GALNTL6: variants seen among roughly 807,000 people sequenced by gnomAD.
GALNTL6 encodes polypeptide N-acetylgalactosaminyltransferase like 6.
GALNTL6 carries 46 observed loss-of-function variants against 73.7 expected under a neutral mutation model. The observed-to-expected ratio is 0.62, with a 90% CI of 0.49 to 0.80. GALNTL6 has a LOEUF of 0.80. Ranked by LOEUF, GALNTL6 falls within the 30% of genes least tolerant of loss-of-function variation. The pLI, the probability that GALNTL6 is intolerant of heterozygous loss-of-function variation, is 0.00. For missense variants in GALNTL6, 604 were observed against 755.0 expected, an observed-to-expected ratio of 0.80 and a Z score of 2.34; for synonymous variants, 259 against 263.7, an observed-to-expected ratio of 0.98 and a Z score of 0.17.
chr4:172,198,993 G>A (rs1213091695), intron 2 of GALNTL6, among the ~76,000 whole-genome samples: 2 of 151,876 alleles, frequency 1.3e-5, no homozygotes, highest in Non-Finnish European at 2.9e-5. Flanking sequence ...TTTTACTACT[G>A]TTGGCATTCT....
intron 2 of GALNTL6, among the ~76,000 whole-genome samples, chr4:172,167,045 C>A (rs1443878050): frequency 6.6e-6 from 1 of 152,096 alleles, no homozygotes; most frequent in African/African-American, 2.4e-5. Context: ...TCTCGTTGTA[C>A]CTCATTTTTC....
chr4:172,952,998 G>T (rs1749536313), intron 10 of GALNTL6, among the ~76,000 whole-genome samples: 1 of 152,166 alleles, frequency 6.6e-6, no homozygotes, highest in Non-Finnish European at 1.5e-5. Context: ...CAAGTACAAG[G>T]CAATGAGGGG....
chr4:172,768,945 G>A (rs1738598478), intron 5 of GALNTL6, among the ~76,000 whole-genome samples: 1 of 151,980 alleles, frequency 6.6e-6, no homozygotes, highest in Admixed American at 6.6e-5. Context: ...ACAAGAGAGA[G>A]ATACTTCTGC....
chr4:172,242,311 G>C (rs1737464450), intron 3 of GALNTL6, among the ~76,000 whole-genome samples: 1 of 151,804 alleles, frequency 6.6e-6, no homozygotes, highest in Non-Finnish European at 1.5e-5. Flanking sequence ...ATTCAGAGAT[G>C]TGTGTGTGTG....
chr4:172,893,351 G>C (rs930367697), intron 8 of GALNTL6, among the ~76,000 whole-genome samples: 2 of 151,910 alleles, frequency 1.3e-5, no homozygotes, highest in East Asian at 1.9e-4. Context: ...GTGGCGGGGG[G>C]GGGGTCTTCC....
intron 2 of GALNTL6, among the ~76,000 whole-genome samples, chr4:171,910,344 C>T (rs1331074312): frequency 6.6e-6 from 1 of 151,666 alleles, no homozygotes; most frequent in Non-Finnish European, 1.5e-5. Context: ...CACACAATGG[C>T]AAAGTAGAAT....
intron 2 of GALNTL6, among the ~76,000 whole-genome samples, chr4:172,222,323 CT>C (rs1243216510): frequency 4.0e-5 from 5 of 126,070 alleles, no homozygotes; most frequent in Admixed American, 8.8e-5. Context: ...AAATTGTGTT[CT>C]TTATTCACAT....
In GALNTL6 at chr4:172,939,651, G is replaced by A. The variant is rs75181672; in HGVS notation, c.1149+8383G>A. Among the ~76,000 whole-genome samples, 855 of 152,208 alleles carry A rather than the reference G, an allele frequency of 5.6e-3. 7 individuals carry two copies. The highest frequency in any genetic ancestry group is 0.019 in the African/African-American group (799 of 41,536). On this transcript the variant is annotated intron_variant, in intron 9 of 12. Transcript: ENST00000506823. Reference sequence around the variant, plus strand: ...TGGGCCTTGCCAGTTAGATCAAGCCGCCCCTTTGTGATGTAACGTCACCTC... The same window carrying A: ...TGGGCCTTGCCAGTTAGATCAAGCCACCCCTTTGTGATGTAACGTCACCTC...
intron 2 of GALNTL6, among the ~76,000 whole-genome samples, chr4:171,872,698 T>C (rs2062423): frequency 0.96 from 146,578 of 152,282 alleles, 70,598 homozygotes; most frequent in East Asian, 1. Flanking sequence ...TCTCCATCTG[T>C]GTGTGTCAGT....
intron 3 of GALNTL6, among the ~76,000 whole-genome samples, chr4:172,248,287 T>A (rs1244999516): frequency 6.6e-6 from 1 of 152,208 alleles, no homozygotes; most frequent in East Asian, 1.9e-4. Flanking sequence ...AAAGTTGCAT[T>A]AGTAACCTCA....
intron 2 of GALNTL6, among the ~76,000 whole-genome samples, chr4:171,883,142 G>A (rs1219904730): frequency 6.6e-6 from 1 of 152,072 alleles, no homozygotes; most frequent in Non-Finnish European, 1.5e-5. Flanking sequence ...CCTGAGGTCA[G>A]GAGTTCAAGA....
At chr4:172,544,144 A>G (rs1378482584) in intron 5 of GALNTL6, among the ~76,000 whole-genome samples, 1 of 152,190 alleles carries the variant, frequency 6.6e-6, no homozygotes, top group Non-Finnish European at 1.5e-5. Context: ...CTTGGCTCAC[A>G]GGACCAGATC....
intron 2 of GALNTL6, among the ~76,000 whole-genome samples, chr4:172,016,224 A>G (rs191674745): frequency 2.0e-4 from 31 of 152,054 alleles, no homozygotes; most frequent in Admixed American, 1.0e-3. Flanking sequence ...GCCACTTAAC[A>G]TAATCTCAAG....
chr4:172,668,249 A>T (rs1371199485), intron 5 of GALNTL6: 1 of 152,248 alleles, frequency 6.6e-6, no homozygotes, highest in Non-Finnish European at 1.5e-5. Context: ...ATTTTTAAAA[A>T]AATGAATTGT....
chr4:172,405,422 TATATATATATATATATATA>T (rs1744179566), intron 5 of GALNTL6, among the ~76,000 whole-genome samples: 1 of 1,810 alleles, frequency 5.5e-4, no homozygotes, highest in African/African-American at 2.4e-3. Flanking sequence ...TATATATATA[TATATATATATATATATATA>T]TATTTTTTTT....
intron 5 of GALNTL6, among the ~76,000 whole-genome samples, chr4:172,699,674 A>G (rs1411404157): frequency 9.9e-5 from 15 of 152,202 alleles, no homozygotes; most frequent in Admixed American, 9.2e-4. Context: ...TACTATAATC[A>G]TGAGAGAAGG....
intron 5 of GALNTL6, among the ~76,000 whole-genome samples, chr4:172,372,888 T>C (rs1468054152): frequency 1.3e-5 from 2 of 152,164 alleles, no homozygotes; most frequent in African/African-American, 4.8e-5. Flanking sequence ...GATAAGCCAG[T>C]ATAGGCTGTA....
intron 2 of GALNTL6, among the ~76,000 whole-genome samples, chr4:172,096,084 C>CTGTGTGTA (rs1732345874): frequency 6.8e-6 from 1 of 147,078 alleles, no homozygotes; most frequent in Non-Finnish European, 1.5e-5. Context: ...CTCTCTCTTT[C>CTGTGTGTA]TGTGTGTGTG....
At chr4:172,821,089 C>G (rs1388768920) in intron 7 of GALNTL6, among the ~76,000 whole-genome samples, 1 of 152,194 alleles carries the variant, frequency 6.6e-6, no homozygotes, top group Admixed American at 6.5e-5. Context: ...AATACGAAAA[C>G]TAACATCTGT....
Sources: allele counts gnomAD v4.1 joint callset (sites outside exome capture counted in the v4.1 genomes callset), GRCh38; gene constraint gnomAD v4.1.1; transcripts MANE v1.5; gene names NCBI Gene and HGNC (gene_info 2026-07-23, HGNC 2026-07-21).